ASMT: variants seen among roughly 807,000 people sequenced by gnomAD.
The protein encoded by ASMT is acetylserotonin O-methyltransferase.
A neutral mutation model predicts 41.3 loss-of-function variants in ASMT; 53 were observed. That is an observed-to-expected ratio of 1.28 (90% CI 1.03 to 1.61). The LOEUF is 1.61. ASMT is among the 40% of genes most tolerant of loss of function. The probability of loss-of-function intolerance (pLI) is 0.00; values close to 1 mark genes in which losing one functional copy is unlikely to be tolerated. For synonymous variants in ASMT, 231 were observed against 184.8 expected (o/e 1.25, Z -2.03); for missense variants, 531 against 441.3 (o/e 1.20, Z -1.82).
At chrX:1,642,154 G>T (rs1457435214) in intron 8 of ASMT, among the ~76,000 whole-genome samples, 2 of 147,792 alleles carry the variant, frequency 1.4e-5, no homozygotes, top group Admixed American at 7.1e-5. Flanking sequence ...CCATCCTGAT[G>T]GTCCATGAGG....
chrX:1,615,764 T>C (rs1405433452), intron 1 of ASMT, among the ~76,000 whole-genome samples: 8 of 150,896 alleles, frequency 5.3e-5, no homozygotes, highest in African/African-American at 1.7e-4. Flanking sequence ...ATCGCACCAC[T>C]GCACTCCCGC....
At chrX:1,631,915 A>G (rs60125000) in intron 5 of ASMT, among the ~76,000 whole-genome samples, 63,137 of 151,472 alleles carry the variant, frequency 0.42, 12,861 homozygotes, top group South Asian at 0.46. Context: ...CAGGCATGAC[A>G]GTAGGTGCCT....
At chrX:1,629,744 AG>A in intron 4 of ASMT, 76 bp from the exon 5 acceptor site, 1 of 1,331,904 alleles carries the variant, frequency 7.5e-7, no homozygotes, top group Non-Finnish European at 1.1e-6. Flanking sequence ...CGTTCTCAAC[AG>A]GGGGTTATGT....
intron 7 of ASMT, among the ~76,000 whole-genome samples, chrX:1,633,579 A>G (rs181585516): frequency 0.014 from 2,187 of 151,666 alleles, no homozygotes; most frequent in African/African-American, 0.043. Flanking sequence ...GGGTTCAAGC[A>G]ATTCTCCTGC....
chrX:1,615,198 A>C lies in ASMT; in HGVS notation c.-2A>C. On this transcript the variant is annotated 5_prime_UTR_variant, in exon 1 of 9. Transcript: ENST00000381241. Reference sequence around the variant, plus strand: ...GGAAGCCACGGCTGGATTGGAGACAAGATGGGATCCTCAGAGGACCAGGCC... The same window carrying C: ...GGAAGCCACGGCTGGATTGGAGACACGATGGGATCCTCAGAGGACCAGGCC... The C allele has an allele frequency of 6.3e-7, 1 of 1,591,314 alleles. No individual in the cohort carries two copies. The highest frequency in any genetic ancestry group is 8.6e-7 in the Non-Finnish European group (1 of 1,169,112).
At position 1,621,378 on chromosome X, in the gene ASMT, C is replaced by T. The variant is rs779212730; in HGVS notation, c.70-1761C>T. Among the ~76,000 whole-genome samples, 14 of 151,484 alleles carry T rather than the reference C, an allele frequency of 9.2e-5. No individual in the cohort carries two copies. In the South Asian group the frequency reaches 1.7e-3, roughly 18 times the overall value. ...TGTTGCCCAGGCTGGAGTGCAGTGG[C>T]GCGATCTTGGCTCACTGCAATCTCC... On this transcript the variant is annotated intron_variant, in intron 1 of 8. Coordinates refer to ENST00000381241, the MANE Select transcript of ASMT (RefSeq NM_001171038.2).
chrX:1,615,472 T>C (rs1934048825), intron 1 of ASMT, among the ~76,000 whole-genome samples: 1 of 151,972 alleles, frequency 6.6e-6, no homozygotes, highest in African/African-American at 2.4e-5. Context: ...CTTGGTTTGA[T>C]ACATTTTACA....
Position 1,624,358 on chromosome X carries a change from A to G in ASMT, c.334A>G (p.Thr112Ala), listed in dbSNP as rs144722872. The change falls in exon 3 of 9, where the codon ACC (threonine) becomes GCC (alanine). Residue 112 changes from threonine (T) to alanine (A), a missense_variant. Transcript: ENST00000381241. ...CAGCATGCTGAAGTACATGGGCAGG[A>G]CCAGCTACCGGTGCTGGGGCCACCT... Reference protein sequence around the residue: ...QCSMLKYMGRTSYRCWGHLAD... With the variant: ...QCSMLKYMGRASYRCWGHLAD... The G allele has an allele frequency of 1.2e-6, 2 of 1,613,756 alleles. No individual in the cohort carries two copies. The highest frequency in any genetic ancestry group is 2.7e-5 in the African/African-American group (2 of 74,940).
intron 5 of ASMT, among the ~76,000 whole-genome samples, chrX:1,631,231 G>C (rs1393351729): frequency 1.3e-5 from 2 of 151,248 alleles, no homozygotes; most frequent in Non-Finnish European, 2.9e-5. Context: ...AAACTTTTTT[G>C]TAGAGAACGA....
At chrX:1,626,972 T>C (rs1934571697) in intron 3 of ASMT, among the ~76,000 whole-genome samples, 2 of 148,750 alleles carry the variant, frequency 1.3e-5, no homozygotes, top group Non-Finnish European at 3.0e-5. Flanking sequence ...GAGATTGCAG[T>C]GAGCCAAGAT....
rs35471677 is a variant in ASMT at position 1,633,642 on chromosome X, A to ATT, written c.787+366_787+367dup. Among the ~76,000 whole-genome samples, 1,022 of 131,628 alleles carry ATT rather than the reference A, an allele frequency of 7.8e-3. 45 individuals carry two copies. The highest frequency in any genetic ancestry group is 0.028 in the African/African-American group (960 of 34,516). The allele number at this position is 131,628 out of a possible 152,430, so 86.4% of individuals were successfully genotyped here. On this transcript the variant is annotated intron_variant, in intron 7 of 8. Transcript: ENST00000381241. ...AGGCATGCGCCACCACATCCAGCTA[A>ATT]TTTTTTTTTTTTTTTGAGATGGAGT... is the stretch of plus-strand genomic sequence containing the variant.
At chrX:1,615,381 T>C (rs1351511169) in intron 1 of ASMT, 113 bp downstream of exon 1, 8 of 1,084,192 alleles carry the variant, frequency 7.4e-6, no homozygotes, top group East Asian at 2.6e-5. Flanking sequence ...AGGAGGTTTA[T>C]TTTCCACCGT....
intron 4 of ASMT, among the ~76,000 whole-genome samples, chrX:1,629,328 G>T (rs181127619): frequency 4.6e-5 from 7 of 152,200 alleles, no homozygotes; most frequent in East Asian, 3.9e-4. Context: ...GAGCTGTGGG[G>T]GGGGAGGAGC....
rs143401674 is a variant in ASMT at position 1,627,209 on chromosome X, C to G, written c.375-494C>G. On this transcript the variant is annotated intron_variant, in intron 3 of 8. Coordinates refer to ENST00000381241, the MANE Select transcript of ASMT (RefSeq NM_001171038.2). ...GGCACGGTGGCAGGTGCCTGTAATC[C>G]CAGCTACTCGGGAGGCTGAGGTAGG... Among the ~76,000 whole-genome samples, 42 of 150,864 alleles carry G rather than the reference C, an allele frequency of 2.8e-4. No individual in the cohort carries two copies. In the East Asian group the frequency reaches 8.0e-3, roughly 29 times the overall value.
chrX:1,630,050 C>A, intron 5 of ASMT, 111 bp downstream of exon 5: 1 of 992,496 alleles, frequency 1.0e-6, no homozygotes, highest in African/African-American at 1.6e-5. Flanking sequence ...CATGTGCGGC[C>A]TTACTGGTCT....
chrX:1,636,918 TGTG>T lies in ASMT; in HGVS notation c.910+359_910+361del, dbSNP rs1182196924. Among the ~76,000 whole-genome samples, 51 of 110,918 alleles carry T rather than the reference TGTG, an allele frequency of 4.6e-4. 2 individuals carry two copies. The highest frequency in any genetic ancestry group is 4.1e-3 in the Middle Eastern group (1 of 246). 72.8% of individuals were successfully genotyped at this position (110,918 alleles called of 152,430 possible). A position where few individuals can be genotyped will look rare whatever the true frequency, so the allele number is the denominator to read the frequency against. On this transcript the variant is annotated intron_variant, in intron 8 of 8. Coordinates refer to ENST00000381241, the MANE Select transcript of ASMT (RefSeq NM_001171038.2). The stretch of plus-strand genomic sequence containing the variant: ...TGAGGATGTGGGCACAGCCTCTGTG[TGTG>T]ATGGGGACAGTGTCCCAGCTCTCCT...
chrX:1,642,364 A>C lies in ASMT; in HGVS notation c.911-439A>C, dbSNP rs1334545043. Among the ~76,000 whole-genome samples the C allele has an allele frequency of 9.7e-5, 14 of 145,066 alleles. 1 individual carries two copies. The highest frequency in any genetic ancestry group is 5.7e-4 in the Admixed American group (8 of 14,034). ...CAACCTCTGTGTGTATAATGGGGAC[A>C]GTGTCCCAGTGTCCTGTGAGGTCCA... On this transcript the variant is annotated intron_variant, in intron 8 of 8. Transcript: ENST00000381241.
chrX:1,625,665 G>C (rs1458920433), intron 3 of ASMT, among the ~76,000 whole-genome samples: 1 of 151,928 alleles, frequency 6.6e-6, no homozygotes, highest in African/African-American at 2.4e-5. Context: ...AGAAAGGAGT[G>C]TCTGGGTGGC....
chrX:1,643,032 G>C lies in ASMT; in HGVS notation c.*18G>C. 3 of 1,611,978 alleles carry C rather than the reference G, an allele frequency of 1.9e-6. No individual in the cohort carries two copies. Among genetic ancestry groups the C allele is most frequent in the Non-Finnish European group, 2.5e-6 (3 of 1,178,094 alleles). On this transcript the variant is annotated 3_prime_UTR_variant, in exon 9 of 9. Transcript: ENST00000381241. ...GGAAATAACTGTTTCTTGTGACCTGGAACTAACGTCAAAGCACACAAGACA... is the reference window on the plus strand; with the variant it reads ...GGAAATAACTGTTTCTTGTGACCTGCAACTAACGTCAAAGCACACAAGACA...
Sources: allele counts gnomAD v4.1 joint callset (sites outside exome capture counted in the v4.1 genomes callset), GRCh38; gene constraint gnomAD v4.1.1; transcripts MANE v1.5; gene names NCBI Gene and HGNC (gene_info 2026-07-23, HGNC 2026-07-21).